MKRN2: variants seen among roughly 807,000 people sequenced by gnomAD.
The protein encoded by MKRN2 is E3 ubiquitin-protein ligase makorin-2.
In MKRN2, 32 loss-of-function variants were observed where a neutral mutation model predicts 45.4. That is an observed-to-expected ratio of 0.70 (90% CI 0.53 to 0.95). The LOEUF (loss-of-function observed/expected upper bound fraction) is 0.95. Ranked by LOEUF, MKRN2 falls within the 40% of genes least tolerant of loss-of-function variation. The pLI is 0.00. For missense variants in MKRN2, 526 were observed against 536.7 expected, an observed-to-expected ratio of 0.98 and a Z score of 0.20; for synonymous variants, 206 against 192.4, an observed-to-expected ratio of 1.07 and a Z score of -0.59.
intron 1 of MKRN2, among the ~76,000 whole-genome samples, chr3:12,566,615 G>A (rs1025248405): frequency 6.6e-6 from 1 of 151,876 alleles, no homozygotes; most frequent in Non-Finnish European, 1.5e-5. Flanking sequence ...GTTTTGTTTT[G>A]TTTTGAGGTG....
rs1265853558 is a variant in MKRN2, at chr3:12,581,874, T to G, written c.1035T>G (p.Tyr345Ter). 1 of 1,614,192 alleles carries G rather than the reference T, an allele frequency of 6.2e-7. No individual in the cohort carries two copies. Among genetic ancestry groups the G allele is most frequent in the Admixed American group, 1.7e-5 (1 of 60,020 alleles). The change falls in exon 7 of 8, where the codon TAT becomes TAG. Residue 345 changes from tyrosine to a stop codon, truncating the protein, a stop_gained. Transcript: ENST00000170447. LOFTEE classifies it high-confidence loss of function. ...GCCCATTTGGAAGCAAATGTCTTTA[T>G]CGCCATGCTTACCCCGATGGGCGGC... ...GTCPFGSKCL[Y>*]RHAYPDGRLA...
intron 4 of MKRN2, among the ~76,000 whole-genome samples, chr3:12,574,111 C>T (rs6798729): frequency 0.031 from 4,745 of 152,162 alleles, 252 homozygotes; most frequent in African/African-American, 0.11. Flanking sequence ...CATGTGGCAG[C>T]GGACAAGGAG....
At position 12,572,063 on chromosome 3, in the gene MKRN2, T is replaced by G; in HGVS notation, c.338-6T>G. ...CATGTGCATGTGTGCTGTGTGTTGTTTTCAGATCTCTCTGGCATGGCTGAA... is the reference window on the plus strand; with the variant it reads ...CATGTGCATGTGTGCTGTGTGTTGTGTTCAGATCTCTCTGGCATGGCTGAA... On this transcript the variant is annotated splice_region_variant and splice_polypyrimidine_tract_variant and intron_variant, in intron 3 of 7. Transcript: ENST00000170447. 6.3e-7 allele frequency: 1 copy of G among 1,590,720 alleles called. No homozygotes were observed.
In MKRN2 at chr3:12,583,267, CCTTGTGAACCAGCACTAG is replaced by C. The variant is rs1469772370; in HGVS notation, c.*1020_*1037del. On this transcript the variant is annotated 3_prime_UTR_variant, in exon 8 of 8. Coordinates refer to ENST00000170447, the MANE Select transcript of MKRN2 (RefSeq NM_014160.5). Reference sequence around the variant, plus strand: ...GATTTTAATTGAAGGGTGAGCATAACCTTGTGAACCAGCACTAGCTTGTTCCAAGCTGGAATTTATCTA... The same window carrying C: ...GATTTTAATTGAAGGGTGAGCATAACCTTGTTCCAAGCTGGAATTTATCTA... The C allele has an allele frequency of 1.3e-5, 2 of 152,518 alleles. No homozygotes were observed. Among genetic ancestry groups the C allele is most frequent in the African/African-American group, 4.8e-5 (2 of 41,434 alleles). The allele number at this position is 152,518 out of a possible 1,614,324, so 9.4% of individuals were successfully genotyped here. A position where few individuals can be genotyped will look rare whatever the true frequency, so the allele number is the denominator to read the frequency against.
At chr3:12,565,175 T>G (rs969962050) in intron 1 of MKRN2, among the ~76,000 whole-genome samples, 3 of 152,232 alleles carry the variant, frequency 2.0e-5, no homozygotes, top group African/African-American at 7.2e-5. Context: ...TAGATTTATG[T>G]TTACATTTTT....
chr3:12,580,941 C>G (rs1212820229), intron 6 of MKRN2, among the ~76,000 whole-genome samples: 1 of 152,178 alleles, frequency 6.6e-6, no homozygotes, highest in South Asian at 2.1e-4. Flanking sequence ...TGTTGTTTGG[C>G]TTTATTTCTG....
rs1190887193 is a variant in MKRN2 at position 12,572,100 on chromosome 3, G to A, written c.369G>A (p.Gln123=). The stretch of plus-strand genomic sequence containing the variant: ...CTGGCATGGCTGAAAGGAAGACCCA[G>A]CCGAGCATGGTGAGTAATCCAGGCA... The part of the protein sequence containing the change: ...NLSGMAERKT[Q]PSMVSNPGSC... The change falls in exon 4 of 8, where the codon CAG becomes CAA. Residue 123 remains glutamine, a synonymous_variant. Transcript: ENST00000170447. The A allele has an allele frequency of 1.2e-6, 2 of 1,612,650 alleles. No homozygotes were observed. Among genetic ancestry groups the A allele is most frequent in the Non-Finnish European group, 1.7e-6 (2 of 1,179,176 alleles).
chr3:12,578,880 T>TTA (rs11450449), intron 6 of MKRN2, among the ~76,000 whole-genome samples: 1 of 147,048 alleles, frequency 6.8e-6, no homozygotes, highest in African/African-American at 2.5e-5. Flanking sequence ...TTTTTTTTTT[T>TTA]ACCATTTTTT....
intron 1 of MKRN2, among the ~76,000 whole-genome samples, chr3:12,557,589 A>G (rs1280208416): frequency 6.6e-6 from 1 of 152,274 alleles, no homozygotes; most frequent in Middle Eastern, 3.2e-3. Context: ...GTAATTTGTT[A>G]ATCGATTATG....
intron 3 of MKRN2, among the ~76,000 whole-genome samples, 170 bp downstream of exon 3, chr3:12,570,422 G>T (rs752882002): frequency 6.6e-6 from 1 of 152,142 alleles, no homozygotes; most frequent in Non-Finnish European, 1.5e-5. Flanking sequence ...TGTGGCTGCA[G>T]ATCATTCAAA....
intron 1 of MKRN2, among the ~76,000 whole-genome samples, chr3:12,565,891 A>G (rs1559387544): frequency 6.6e-6 from 1 of 151,518 alleles, no homozygotes; most frequent in African/African-American, 2.4e-5. Flanking sequence ...GTTTGTTTTG[A>G]GACAGGGTCT....
At chr3:12,571,285 A>G (rs973115990) in intron 3 of MKRN2, among the ~76,000 whole-genome samples, 31 of 151,842 alleles carry the variant, frequency 2.0e-4, no homozygotes, top group African/African-American at 6.5e-4. Context: ...TAATTTTTGT[A>G]TTTTTAGTAG....
rs1283429536 is a variant in MKRN2, at chr3:12,574,814, A to G, written c.665A>G (p.His222Arg). 1 of 1,613,780 alleles carries G rather than the reference A, an allele frequency of 6.2e-7. No individual in the cohort carries two copies. Reference protein sequence around the residue: ...HEKICMLTFEHEMEKAFAFQA... With the variant: ...HEKICMLTFEREMEKAFAFQA... ...CAGATCTGCATGTTGACGTTCGAAC[A>G]CGAGATGGAAAAGGCCTTTGCCTTC... Residue 222 changes from histidine (H) to arginine (R), a missense_variant, in exon 5 of 8, where the codon CAC (histidine) becomes CGC (arginine). By Grantham distance (29) the His-to-Arg change is conservative (BLOSUM62 0). Coordinates refer to ENST00000170447, the MANE Select transcript of MKRN2 (RefSeq NM_014160.5).
intron 1 of MKRN2, among the ~76,000 whole-genome samples, chr3:12,565,873 GT>G (rs897217293): frequency 6.6e-6 from 1 of 151,060 alleles, no homozygotes; most frequent in African/African-American, 2.4e-5. Flanking sequence ...TTTTTTGTTT[GT>G]TTTTTTGTTT....
chr3:12,576,557 C>A, intron 5 of MKRN2, 74 bp from the exon 6 acceptor site: 2 of 1,035,348 alleles, frequency 1.9e-6, no homozygotes, highest in Non-Finnish European at 2.9e-6. Flanking sequence ...GGCAGTTGAG[C>A]AAGAGGTTTA....
At chr3:12,567,212 T>TG (rs1017118610) in intron 1 of MKRN2, among the ~76,000 whole-genome samples, 14 of 56,366 alleles carry the variant, frequency 2.5e-4, no homozygotes, top group African/African-American at 1.8e-3. Context: ...TCAGCTTGTG[T>TG]TTTTTTTTTT....
rs1575520354 is a variant in MKRN2, at chr3:12,572,205, G to A, written c.474G>A (p.Val158=). Residue 158 remains valine, a synonymous_variant, in exon 4 of 8, where the codon GTG becomes GTA. Coordinates refer to ENST00000170447, the MANE Select transcript of MKRN2 (RefSeq NM_014160.5). ...CCATCAGGAGTGGCCTTGATGACGT[G>A]GAGGCCAGCAGCTCCTACAGCAACG... The part of the protein sequence containing the change: ...LDAIRSGLDD[V]EASSSYSNEQ... 1 of 1,613,946 alleles carries A rather than the reference G, an allele frequency of 6.2e-7. No homozygotes were observed. The highest frequency in any genetic ancestry group is 1.3e-5 in the African/African-American group (1 of 74,878).
At chr3:12,579,192 C>T (rs970804398) in intron 6 of MKRN2, among the ~76,000 whole-genome samples, 2 of 151,964 alleles carry the variant, frequency 1.3e-5, no homozygotes, top group African/African-American at 4.8e-5. Flanking sequence ...TTTTTTCTTT[C>T]GAGTCTCGCT....
Position 12,574,798 on chromosome 3 carries a change from A to G in MKRN2, c.649A>G (p.Met217Val), listed in dbSNP as rs1314913008. 3.7e-6 allele frequency: 6 copies of G among 1,613,084 alleles called. No homozygotes were observed. The highest frequency in any genetic ancestry group is 4.5e-5 in the East Asian group (2 of 44,886). The part of the protein sequence containing the change: ...EQRKAHEKIC[M>V]LTFEHEMEKA... ...CTTCCTGTCTGTGCTTCAGATCTGC[A>G]TGTTGACGTTCGAACACGAGATGGA... Residue 217 changes from methionine to valine, a missense_variant, in exon 5 of 8, where the codon ATG becomes GTG. By Grantham distance (21) the Met-to-Val change is conservative. Transcript: ENST00000170447.
Sources: allele counts gnomAD v4.1 joint callset (sites outside exome capture counted in the v4.1 genomes callset), GRCh38; gene constraint gnomAD v4.1.1; transcripts MANE v1.5; gene names NCBI Gene and HGNC (gene_info 2026-07-23, HGNC 2026-07-21).